Variants in CRYBG1 observed in about 807,000 individuals in gnomAD.
CRYBG1 encodes crystallin beta-gamma domain containing 1.
In CRYBG1, 139 loss-of-function variants were observed where a neutral mutation model predicts 189.2. The observed-to-expected ratio is 0.73, with a 90% CI of 0.64 to 0.85. CRYBG1 has a LOEUF of 0.85. CRYBG1 is among the 40% of genes least tolerant of loss of function. The pLI is 0.00. For synonymous variants in CRYBG1, 1,023 were observed against 1,017.1 expected, an observed-to-expected ratio of 1.01 and a Z score of -0.11; for missense variants, 2,611 against 2,675.8, an observed-to-expected ratio of 0.98 and a Z score of 0.53.
chr6:106,393,647 T>C (rs143084633), intron 1 of CRYBG1, among the ~76,000 whole-genome samples: 1 of 151,832 alleles, frequency 6.6e-6, no homozygotes, highest in Non-Finnish European at 1.5e-5. Flanking sequence ...GGCTGTGTAA[T>C]AGCTCCTTAC....
At chr6:106,370,290 C>T (rs1769992768) in intron 1 of CRYBG1, among the ~76,000 whole-genome samples, 1 of 152,130 alleles carries the variant, frequency 6.6e-6, no homozygotes, top group East Asian at 1.9e-4. Context: ...AAGAGGTGGA[C>T]CTACTTCGTA....
At chr6:106,506,446 C>CTTTTTTTTT (rs67154803) in intron 2 of CRYBG1, among the ~76,000 whole-genome samples, 11 of 69,952 alleles carry the variant, frequency 1.6e-4, no homozygotes, top group East Asian at 4.3e-4. Flanking sequence ...TTTCTTGTCA[C>CTTTTTTTTT]TTTTTTTTTT....
At chr6:106,497,046 T>C (rs1376857489) in intron 2 of CRYBG1, among the ~76,000 whole-genome samples, 2 of 152,110 alleles carry the variant, frequency 1.3e-5, no homozygotes, top group African/African-American at 4.8e-5. Context: ...AGGAACACTG[T>C]AGTAAGAGGG....
At chr6:106,549,545 C>G (rs1325131056) in intron 13 of CRYBG1, among the ~76,000 whole-genome samples, 1 of 151,430 alleles carries the variant, frequency 6.6e-6, no homozygotes, top group Non-Finnish European at 1.5e-5. Context: ...TTGAGACCAG[C>G]CTGGCCAACA....
intron 8 of CRYBG1, 52 bp downstream of exon 8, chr6:106,530,367 G>A: frequency 1.3e-6 from 2 of 1,535,260 alleles, no homozygotes; most frequent in Non-Finnish European, 1.8e-6. Context: ...TGTGAGTGTA[G>A]TACTGGAAAA....
At chr6:106,400,090 C>T (rs149601675) in intron 1 of CRYBG1, among the ~76,000 whole-genome samples, 2,065 of 138,984 alleles carry the variant, frequency 0.015, 48 homozygotes, top group African/African-American at 0.051. Context: ...GAGCTGAGTT[C>T]GTGGCACTGC....
intron 1 of CRYBG1, among the ~76,000 whole-genome samples, chr6:106,372,876 G>T (rs1250169780): frequency 6.6e-6 from 1 of 152,184 alleles, no homozygotes; most frequent in Non-Finnish European, 1.5e-5. Flanking sequence ...TGAGAAGACA[G>T]AACCTGAAAG....
At position 106,495,216 on chromosome 6, in the gene CRYBG1, G is replaced by A. The variant is rs80005558; in HGVS notation, c.313-16214G>A. Among the ~76,000 whole-genome samples, 854 of 152,242 alleles carry A rather than the reference G, an allele frequency of 5.6e-3. 12 individuals are homozygous for A. The highest frequency in any genetic ancestry group is 0.02 in the African/African-American group (818 of 41,528). Reference sequence around the variant, plus strand: ...TGTCATTCAGCTCTGGGAGAGAGCCGGCTCTGGCTCTGGGAGAGAGCAGCA... The same window carrying A: ...TGTCATTCAGCTCTGGGAGAGAGCCAGCTCTGGCTCTGGGAGAGAGCAGCA... On this transcript the variant is annotated intron_variant, in intron 2 of 21. Transcript: ENST00000633556.
intron 1 of CRYBG1, among the ~76,000 whole-genome samples, chr6:106,410,609 G>T (rs1770910690): frequency 6.6e-6 from 1 of 152,174 alleles, no homozygotes; most frequent in African/African-American, 2.4e-5. Context: ...CAATAGCAAA[G>T]ACTTGGAACC....
chr6:106,447,186 G>C (rs568724524), intron 1 of CRYBG1, among the ~76,000 whole-genome samples: 1 of 152,104 alleles, frequency 6.6e-6, no homozygotes, highest in Non-Finnish European at 1.5e-5. Context: ...GGTTATTGTC[G>C]TTAATAAATG....
chr6:106,544,780 CT>C lies in CRYBG1; in HGVS notation c.5167-7del, dbSNP rs770179295. 6.3e-7 allele frequency: 1 copy of C among 1,598,560 alleles called. No individual in the cohort carries two copies. Among genetic ancestry groups the C allele is most frequent in the Non-Finnish European group, 8.5e-7 (1 of 1,175,338 alleles). ...AGCCTTTGAATTTTGAATTTTTTTT[CT>C]CAATAGGATTTTTCAAATGCTCACA... On this transcript the variant is annotated splice_region_variant and splice_polypyrimidine_tract_variant and intron_variant, in intron 12 of 21. Transcript: ENST00000633556.
chr6:106,524,136 AC>A (rs1292999210), intron 4 of CRYBG1, among the ~76,000 whole-genome samples: 2 of 152,190 alleles, frequency 1.3e-5, no homozygotes, highest in Non-Finnish European at 2.9e-5. Context: ...AAAGTAGTTC[AC>A]GTTTTGTAAT....
At chr6:106,474,908 G>A (rs1190449908) in intron 2 of CRYBG1, among the ~76,000 whole-genome samples, 2 of 152,178 alleles carry the variant, frequency 1.3e-5, no homozygotes, top group Non-Finnish European at 2.9e-5. Context: ...TATGGTATGT[G>A]AGCTTCCACT....
intron 2 of CRYBG1, among the ~76,000 whole-genome samples, chr6:106,483,394 ATATATAT>A (rs1213239281): frequency 7.7e-6 from 1 of 130,624 alleles, no homozygotes; most frequent in East Asian, 2.5e-4. Flanking sequence ...ATATATAGAT[ATATATAT>A]AAAACATTTT....
chr6:106,361,165 C>T (rs1771860596), intron 1 of CRYBG1, 84 bp downstream of exon 1: 1 of 1,414,902 alleles, frequency 7.1e-7, no homozygotes, highest in Non-Finnish European at 9.3e-7. Flanking sequence ...CTCCTGACCC[C>T]ACTTGGAGGA....
intron 8 of CRYBG1, among the ~76,000 whole-genome samples, chr6:106,531,961 A>G (rs565807667): frequency 6.6e-6 from 1 of 152,316 alleles, no homozygotes; most frequent in East Asian, 1.9e-4. Flanking sequence ...TATTAATTTA[A>G]ATATCTCCTC....
intron 3 of CRYBG1, among the ~76,000 whole-genome samples, chr6:106,514,646 C>A (rs1244819547): frequency 6.6e-6 from 1 of 152,142 alleles, no homozygotes. Flanking sequence ...TTGCTGTGTA[C>A]CTTATGAAGG....
At chr6:106,422,340 A>ATTTTTTTTTTTTTTTTTTTTTTTT (rs747540246) in intron 1 of CRYBG1, among the ~76,000 whole-genome samples, 2 of 68,338 alleles carry the variant, frequency 2.9e-5, no homozygotes, top group East Asian at 7.9e-4. Flanking sequence ...TTATTTATTT[A>ATTTTTTTTTTTTTTTTTTTTTTTT]TTTATTTTTG....
chr6:106,423,155 C>T (rs549290172), intron 1 of CRYBG1, among the ~76,000 whole-genome samples: 1 of 150,930 alleles, frequency 6.6e-6, no homozygotes, highest in Admixed American at 6.6e-5. Flanking sequence ...GAATTGACTT[C>T]AGAGAATCAC....
Sources: gnomAD v4.1 joint callset for allele counts (sites outside exome capture counted in the v4.1 genomes callset) on GRCh38, gnomAD v4.1.1 for gene constraint, MANE v1.5 for transcripts, NCBI Gene and HGNC (gene_info 2026-07-23, HGNC 2026-07-21) for gene names.